GREB1L: variants seen among roughly 807,000 people sequenced by gnomAD.
The protein encoded by GREB1L is GREB1-like protein.
In GREB1L, 17 loss-of-function variants were observed where a neutral mutation model predicts 200.8. That is an observed-to-expected ratio of 0.08 (90% CI 0.06 to 0.13). The LOEUF (loss-of-function observed/expected upper bound fraction) is 0.13. GREB1L is among the 10% of genes least tolerant of loss of function. The pLI, the probability that GREB1L is intolerant of heterozygous loss-of-function variation, is 1.00. For synonymous variants in GREB1L, 789 were observed against 893.0 expected, an observed-to-expected ratio of 0.88 and a Z score of 2.08; for missense variants, 1,657 against 2,367.7, an observed-to-expected ratio of 0.70 and a Z score of 6.23.
chr18:21,443,706 T>TG (rs1035817098), intron 10 of GREB1L, among the ~76,000 whole-genome samples: 55 of 152,310 alleles, frequency 3.6e-4, no homozygotes, highest in African/African-American at 1.3e-3. Flanking sequence ...TTAGTATCCC[T>TG]GGGGGATTGA....
At chr18:21,437,488 C>A (rs981274104) in intron 7 of GREB1L, among the ~76,000 whole-genome samples, 1 of 151,950 alleles carries the variant, frequency 6.6e-6, no homozygotes, top group Non-Finnish European at 1.5e-5. Flanking sequence ...ACTAATCAAT[C>A]TTAATATCAT....
At chr18:21,497,985 C>T (rs1373378484) in intron 21 of GREB1L, among the ~76,000 whole-genome samples, 1 of 151,854 alleles carries the variant, frequency 6.6e-6, no homozygotes, top group East Asian at 2.0e-4. Flanking sequence ...CCGCACCAAG[C>T]TAACTTTTGT....
At position 21,520,832 on chromosome 18, in the gene GREB1L, A is replaced by G; in HGVS notation, c.5608+9A>G. The G allele has an allele frequency of 6.6e-7, 1 of 1,526,394 alleles. No individual in the cohort carries two copies. Among genetic ancestry groups the G allele is most frequent in the Non-Finnish European group, 8.8e-7 (1 of 1,133,056 alleles). The allele number at this position is 1,526,394 out of a possible 1,614,324, so 94.6% of individuals were successfully genotyped here. On this transcript the variant is annotated intron_variant, in intron 32 of 32. Transcript: ENST00000424526. ...ATTTAAATTTCTAAAAGGTAAGTCAAATTTAGTATCTTGCTTGTAATTGCT... is the reference window on the plus strand; with the variant it reads ...ATTTAAATTTCTAAAAGGTAAGTCAGATTTAGTATCTTGCTTGTAATTGCT...
intron 1 of GREB1L, among the ~76,000 whole-genome samples, chr18:21,342,350 C>T (rs2039281468): frequency 6.6e-6 from 1 of 152,092 alleles, no homozygotes; most frequent in Admixed American, 6.6e-5. Flanking sequence ...TTCTAGGCTT[C>T]ACTGCCTCAA....
At chr18:21,282,082 G>A (rs1458825436) in intron 1 of GREB1L, among the ~76,000 whole-genome samples, 1 of 152,084 alleles carries the variant, frequency 6.6e-6, no homozygotes, top group African/African-American at 2.4e-5. Context: ...AGACCAGCCT[G>A]AGTGACTTAG....
At chr18:21,445,248 G>A (rs1310321726) in intron 11 of GREB1L, among the ~76,000 whole-genome samples, 2 of 152,370 alleles carry the variant, frequency 1.3e-5, no homozygotes, top group South Asian at 2.1e-4. Flanking sequence ...GCCAAGGTGG[G>A]CGGATCACCT....
At chr18:21,495,534 A>C in intron 19 of GREB1L, 136 bp from the exon 20 acceptor site, 3 of 633,998 alleles carry the variant, frequency 4.7e-6, no homozygotes, top group East Asian at 5.7e-5. Flanking sequence ...TAAAATATAC[A>C]TACATAAACA....
At chr18:21,252,782 C>G (rs1251210651) in intron 1 of GREB1L, among the ~76,000 whole-genome samples, 1 of 151,950 alleles carries the variant, frequency 6.6e-6, no homozygotes, top group South Asian at 2.1e-4. Context: ...GCATGAGAAT[C>G]GCTTGAACCC....
intron 21 of GREB1L, among the ~76,000 whole-genome samples, chr18:21,497,811 A>C (rs865875753): frequency 0.24 from 16,475 of 67,514 alleles, 41 homozygotes; most frequent in Admixed American, 0.26. Context: ...TCCCCTCACC[A>C]CCCCCCCCCC....
rs1242314874 is a variant in GREB1L, at chr18:21,253,847, T to C, written c.-120+11454T>C. Among the ~76,000 whole-genome samples, 263 of 149,164 alleles carry C rather than the reference T, an allele frequency of 1.8e-3. 1 individual carries two copies. The highest frequency in any genetic ancestry group is 3.9e-3 in the East Asian group (20 of 5,074). The stretch of plus-strand genomic sequence containing the variant: ...TCCAGGCTTTTTTTTTTTTTTTTTT[T>C]CCCCTTAGAGTTAGGATCTTTCTGT... On this transcript the variant is annotated intron_variant, in intron 1 of 32. Transcript: ENST00000424526.
intron 1 of GREB1L, among the ~76,000 whole-genome samples, chr18:21,322,848 A>C (rs1386224509): frequency 6.6e-6 from 1 of 152,232 alleles, no homozygotes; most frequent in Non-Finnish European, 1.5e-5. Context: ...CCCATATTCC[A>C]CATCTTAAAC....
At chr18:21,325,813 CAAAA>C (rs60239796) in intron 1 of GREB1L, among the ~76,000 whole-genome samples, 6 of 41,696 alleles carry the variant, frequency 1.4e-4, no homozygotes, top group South Asian at 1.3e-3. Context: ...GACCTTGTCT[CAAAA>C]AAAAAAAAAA....
At chr18:21,385,765 G>A (rs1466757133) in intron 4 of GREB1L, among the ~76,000 whole-genome samples, 2 of 152,152 alleles carry the variant, frequency 1.3e-5, no homozygotes, top group African/African-American at 4.8e-5. Context: ...TGCTTAAAAC[G>A]TTGTTGGATT....
chr18:21,376,213 G>A (rs1032893772), intron 2 of GREB1L, among the ~76,000 whole-genome samples: 1 of 151,750 alleles, frequency 6.6e-6, no homozygotes, highest in Admixed American at 6.6e-5. Context: ...TCCACTCCAG[G>A]GTTCAAGTGA....
At chr18:21,451,548 C>G (rs1469248763) in intron 13 of GREB1L, among the ~76,000 whole-genome samples, 1 of 123,658 alleles carries the variant, frequency 8.1e-6, no homozygotes, top group African/African-American at 3.0e-5. Context: ...AGTGCAGTAG[C>G]GTGATTATAG....
intron 10 of GREB1L, 43 bp downstream of exon 10, chr18:21,441,580 T>C (rs1187602789): frequency 6.6e-7 from 1 of 1,505,996 alleles, no homozygotes; most frequent in East Asian, 2.5e-5. Flanking sequence ...TGCTGGAATC[T>C]AGGAGTGTTT....
chr18:21,499,018 A>G (rs2036667020), intron 21 of GREB1L, among the ~76,000 whole-genome samples: 1 of 152,210 alleles, frequency 6.6e-6, no homozygotes, highest in Non-Finnish European at 1.5e-5. Flanking sequence ...GAACTGGTCA[A>G]ATATGTGGGG....
In GREB1L at chr18:21,485,715, C is replaced by A; in HGVS notation, c.2652C>A (p.Asp884Glu). 1 of 1,551,360 alleles carries A rather than the reference C, an allele frequency of 6.4e-7. No individual in the cohort carries two copies. Among genetic ancestry groups the A allele is most frequent in the Non-Finnish European group, 8.7e-7 (1 of 1,146,868 alleles). Residue 884 changes from aspartate (D) to glutamate (E), a missense_variant, in exon 18 of 33, where the codon GAC becomes GAA. This residue lies in a region of GREB1L where 82 missense variants were observed against 95.9 expected (regional missense o/e 0.85). Coordinates refer to ENST00000424526, the MANE Select transcript of GREB1L (RefSeq NM_001142966.3). ...TCACGAGCCCACTTCTGAGATGTGACGAGACTTTTGAAAAAATGGTGAACA... is the reference window on the plus strand; with the variant it reads ...TCACGAGCCCACTTCTGAGATGTGAAGAGACTTTTGAAAAAATGGTGAACA... Reference protein sequence around the residue: ...WGITSPLLRCDETFEKMVNTL... With the variant: ...WGITSPLLRCEETFEKMVNTL...
chr18:21,448,658 C>T (rs1375145320), intron 11 of GREB1L, among the ~76,000 whole-genome samples: 1 of 152,194 alleles, frequency 6.6e-6, no homozygotes, highest in East Asian at 1.9e-4. Context: ...GTTCACACAG[C>T]AAAAGAAATG....
Sources: gnomAD v4.1 joint callset for allele counts (sites outside exome capture counted in the v4.1 genomes callset) on GRCh38, gnomAD v4.1.1 for gene constraint, gnomAD v4.1.1 regional missense constraint, MANE v1.5 for transcripts, NCBI Gene and HGNC (gene_info 2026-07-23, HGNC 2026-07-21) for gene names.